The following TESK2 variants were observed in gnomAD, a reference collection of about 807,000 sequenced individuals.
TESK2 encodes the protein testis associated actin remodelling kinase 2, also known as dual specificity testis-specific protein kinase 2.
In TESK2, 39 loss-of-function variants were observed where a neutral mutation model predicts 57.1. That is an observed-to-expected ratio of 0.68 (90% CI 0.53 to 0.89). The LOEUF is 0.89. Ranked by LOEUF, TESK2 falls within the 40% of genes least tolerant of loss-of-function variation. The pLI, the probability that TESK2 is intolerant of heterozygous loss-of-function variation, is 0.00. For missense variants in TESK2, 646 were observed against 732.1 expected (o/e 0.88, Z 1.36); for synonymous variants, 249 against 267.9 (o/e 0.93, Z 0.69).
intron 1 of TESK2, among the ~76,000 whole-genome samples, chr1:45,476,493 C>T (rs891486356): frequency 2.6e-5 from 4 of 151,308 alleles, no homozygotes; most frequent in African/African-American, 9.7e-5. Context: ...GGCACTAGAG[C>T]AAGACCAATC....
chr1:45,409,870 T>G (rs1649974618), intron 3 of TESK2, among the ~76,000 whole-genome samples: 1 of 152,132 alleles, frequency 6.6e-6, no homozygotes, highest in Admixed American at 6.6e-5. Context: ...ATTGTTTATA[T>G]TAAAAATCTT....
intron 4 of TESK2, among the ~76,000 whole-genome samples, chr1:45,373,530 A>G (rs929997950): frequency 2.0e-5 from 3 of 152,228 alleles, no homozygotes; most frequent in Non-Finnish European, 4.4e-5. Context: ...ACAACTTCTC[A>G]TTTTTTGAAG....
intron 2 of TESK2, among the ~76,000 whole-genome samples, chr1:45,440,070 A>G (rs1349560604): frequency 1.3e-5 from 2 of 151,566 alleles, no homozygotes; most frequent in East Asian, 3.9e-4. Flanking sequence ...CCATTCCTCA[A>G]CCTCCGGAGT....
At chr1:45,348,500 C>G (rs1400212674) in intron 5 of TESK2, among the ~76,000 whole-genome samples, 1 of 152,216 alleles carries the variant, frequency 6.6e-6, no homozygotes, top group Non-Finnish European at 1.5e-5. Flanking sequence ...AACCTCTTCT[C>G]TGGCATTAAA....
At chr1:45,453,362 A>AG (rs1553155970) in intron 2 of TESK2, among the ~76,000 whole-genome samples, 41 of 145,022 alleles carry the variant, frequency 2.8e-4, no homozygotes, top group Admixed American at 6.8e-4. Context: ...AAAAAAAAAA[A>AG]AGAGAGAGAG....
chr1:45,484,979 C>A (rs1488417809), intron 1 of TESK2, among the ~76,000 whole-genome samples: 1 of 151,136 alleles, frequency 6.6e-6, no homozygotes, highest in Non-Finnish European at 1.5e-5. Context: ...TGCAGTGAGC[C>A]GAGATCGCGC....
intron 1 of TESK2, among the ~76,000 whole-genome samples, chr1:45,472,230 C>A (rs1225931349): frequency 7.6e-6 from 1 of 131,210 alleles, no homozygotes; most frequent in Non-Finnish European, 1.6e-5. Context: ...CCAGCCTGGG[C>A]GACAGAGCAA....
rs557706731 is a variant in TESK2 at position 45,448,709 on chromosome 1, C to A, written c.222+8855G>T. 4.6e-5 allele frequency among the ~76,000 whole-genome samples: 7 copies of A among 152,326 alleles called. No homozygotes were observed. In the South Asian group the frequency reaches 1.4e-3, roughly 32 times the overall value. ...GGGATCCACTACCATGATCCAATCA[C>A]TTCCCACTAGGCCCCACCTTCAACA... On this transcript the variant is annotated intron_variant, in intron 2 of 10. Coordinates refer to ENST00000372086, the MANE Select transcript of TESK2 (RefSeq NM_007170.3).
intron 2 of TESK2, among the ~76,000 whole-genome samples, chr1:45,455,758 T>C (rs1041597580): frequency 6.6e-6 from 1 of 152,094 alleles, no homozygotes; most frequent in African/African-American, 2.4e-5. Context: ...TTATGTTATA[T>C]ATATTTTACT....
At position 45,357,559 on chromosome 1, in the gene TESK2, TAAAAAAAA is replaced by T. The variant is rs775657953; in HGVS notation, c.394-2118_394-2111del. Among the ~76,000 whole-genome samples the T allele has an allele frequency of 5.3e-3, 607 of 115,030 alleles. 5 individuals are homozygous for T. Among genetic ancestry groups the T allele is most frequent in the Middle Eastern group, 9.8e-3 (2 of 204 alleles). The allele number at this position is 115,030 out of a possible 152,430, so 75.5% of individuals were successfully genotyped here. A position where few individuals can be genotyped will look rare whatever the true frequency, so the allele number is the denominator to read the frequency against. ...ATGAAGGGCAGCTTTGCTTTTTTAGTAAAAAAAAAAAAAAAGAAAAAAAAGTGAATAAG... is the reference window on the plus strand; with the variant it reads ...ATGAAGGGCAGCTTTGCTTTTTTAGTAAAAAAAGAAAAAAAAGTGAATAAG... On this transcript the variant is annotated intron_variant, in intron 4 of 10. Coordinates refer to ENST00000372086, the MANE Select transcript of TESK2 (RefSeq NM_007170.3).
At chr1:45,351,105 T>G (rs548858379) in intron 5 of TESK2, among the ~76,000 whole-genome samples, 33 of 152,362 alleles carry the variant, frequency 2.2e-4, no homozygotes, top group Non-Finnish European at 4.1e-4. Flanking sequence ...TCATACTCAT[T>G]CCCAACAGTA....
chr1:45,402,486 C>CT (rs577207332), intron 3 of TESK2, among the ~76,000 whole-genome samples: 2,331 of 142,070 alleles, frequency 0.016, 35 homozygotes, highest in Non-Finnish European at 0.025. Flanking sequence ...ACTATTTTTT[C>CT]TTTTTTTTTT....
Position 45,488,126 on chromosome 1 carries a change from C to G in TESK2, c.-87+2726G>C, listed in dbSNP as rs187854995. 6.5e-4 allele frequency among the ~76,000 whole-genome samples: 99 copies of G among 152,196 alleles called. No homozygotes were observed. In the Middle Eastern group the frequency reaches 0.031, roughly 47 times the overall value. On this transcript the variant is annotated intron_variant, in intron 1 of 10. Transcript: ENST00000372086. ...ACGAGGTCTCACAATGTTGCCCATG[C>G]TGGTCGCAAACTCCTGGGCTCAAGC...
chr1:45,479,980 AC>A (rs1335906995), intron 1 of TESK2, among the ~76,000 whole-genome samples: 3 of 150,638 alleles, frequency 2.0e-5, no homozygotes, highest in Non-Finnish European at 4.4e-5. Flanking sequence ...ATGCCACCAC[AC>A]CCGGCTAATT....
intron 2 of TESK2, among the ~76,000 whole-genome samples, chr1:45,431,135 G>C (rs1179519973): frequency 6.6e-6 from 1 of 152,152 alleles, no homozygotes; most frequent in Non-Finnish European, 1.5e-5. Flanking sequence ...GAAGATGCAA[G>C]AGGCCGGGCA....
chr1:45,442,397 C>T (rs1214175929), intron 2 of TESK2, among the ~76,000 whole-genome samples: 1 of 151,706 alleles, frequency 6.6e-6, no homozygotes, highest in African/African-American at 2.4e-5. Flanking sequence ...TGGGTAATGA[C>T]GTGTACTTGA....
rs145725484 is a variant in TESK2 at position 45,347,979 on chromosome 1, C to A, written c.562G>T (p.Glu188Ter). 6.2e-7 allele frequency: 1 copy of A among 1,613,324 alleles called. No homozygotes were observed. Among genetic ancestry groups the A allele is most frequent in the African/African-American group, 1.3e-5 (1 of 74,906 alleles). The change falls in exon 6 of 11, where the codon GAG becomes TAG. Residue 188 changes from glutamate to a stop codon, truncating the protein, a stop_gained. Transcript: ENST00000372086. LOFTEE classifies it high-confidence loss of function. ...TSKNCLIKRD[E>*]NGYSAVVADF... is the part of the protein sequence containing the mutation. ...GCTACCACTGCAGAGTAACCATTCTCATCCCTCTTTATCAGGCAGTTCTAG... is the reference window on the plus strand; with the variant it reads ...GCTACCACTGCAGAGTAACCATTCTAATCCCTCTTTATCAGGCAGTTCTAG...
At chr1:45,378,935 T>A (rs1332882241) in intron 4 of TESK2, among the ~76,000 whole-genome samples, 1 of 152,208 alleles carries the variant, frequency 6.6e-6, no homozygotes, top group Non-Finnish European at 1.5e-5. Context: ...GTCTCTAAAC[T>A]ACCATGTGGT....
At chr1:45,351,154 G>C (rs1477212108) in intron 5 of TESK2, among the ~76,000 whole-genome samples, 1 of 152,256 alleles carries the variant, frequency 6.6e-6, no homozygotes, top group Non-Finnish European at 1.5e-5. Flanking sequence ...GTATTAAGCA[G>C]AAGCAAACTA....
Sources: allele counts gnomAD v4.1 joint callset (sites outside exome capture counted in the v4.1 genomes callset), GRCh38; gene constraint gnomAD v4.1.1; transcripts MANE v1.5; gene names NCBI Gene and HGNC (gene_info 2026-07-23, HGNC 2026-07-21).